The following ELMOD1 variants were observed in gnomAD, a reference collection of about 807,000 sequenced individuals.
The protein encoded by ELMOD1 is ELMO domain containing 1, also known as ELMO domain-containing protein 1.
ELMOD1 carries 21 observed loss-of-function variants against 46.7 expected under a neutral mutation model. That is an observed-to-expected ratio of 0.45 (90% CI 0.32 to 0.65). The LOEUF (loss-of-function observed/expected upper bound fraction) is 0.65, where lower values mean the gene tolerates loss of function less well. ELMOD1 is among the 30% of genes least tolerant of loss of function. The pLI is 0.04. For synonymous variants in ELMOD1, 122 were observed against 138.2 expected, an observed-to-expected ratio of 0.88 and a Z score of 0.82; for missense variants, 348 against 407.8, an observed-to-expected ratio of 0.85 and a Z score of 1.26.
chr11:107,618,062 G>T, intron 1 of ELMOD1, 43 bp from the exon 2 acceptor site: 6 of 1,126,332 alleles, frequency 5.3e-6, no homozygotes, highest in Non-Finnish European at 7.8e-6. Context: ...GCAGCTTCCA[G>T]CCTTATTAGT....
At chr11:107,661,113 T>C (rs1231289439) in intron 11 of ELMOD1, among the ~76,000 whole-genome samples, 1 of 152,228 alleles carries the variant, frequency 6.6e-6, no homozygotes, top group Non-Finnish European at 1.5e-5. Flanking sequence ...CAGTCTTTAC[T>C]TATTTTCCTG....
At chr11:107,624,416 T>G (rs1184000427) in intron 2 of ELMOD1, among the ~76,000 whole-genome samples, 5 of 152,162 alleles carry the variant, frequency 3.3e-5, no homozygotes, top group African/African-American at 9.7e-5. Context: ...TTTGGGAGGC[T>G]GAGGCAGGCA....
chr11:107,638,325 G>A (rs1866264470), intron 6 of ELMOD1, among the ~76,000 whole-genome samples: 1 of 152,184 alleles, frequency 6.6e-6, no homozygotes, highest in Non-Finnish European at 1.5e-5. Context: ...TGTTTAGTAT[G>A]TGCCAATTGT....
chr11:107,593,635 GT>G (rs1344383250), intron 1 of ELMOD1, among the ~76,000 whole-genome samples: 1 of 152,162 alleles, frequency 6.6e-6, no homozygotes, highest in East Asian at 1.9e-4. Context: ...GCACTGTTAG[GT>G]TTTCCAGATT....
intron 1 of ELMOD1, among the ~76,000 whole-genome samples, chr11:107,606,922 C>A (rs1429639149): frequency 1.3e-5 from 2 of 151,998 alleles, no homozygotes; most frequent in African/African-American, 4.8e-5. Flanking sequence ...AGTGTCTCAC[C>A]ACAAAAAATG....
chr11:107,597,000 C>A (rs553670244), intron 1 of ELMOD1, among the ~76,000 whole-genome samples: 14 of 152,270 alleles, frequency 9.2e-5, no homozygotes, highest in African/African-American at 3.4e-4. Context: ...GAAATGAGAT[C>A]TGGAATGTAG....
At chr11:107,660,654 T>C (rs1041522185) in intron 11 of ELMOD1, among the ~76,000 whole-genome samples, 1 of 152,184 alleles carries the variant, frequency 6.6e-6, no homozygotes, top group African/African-American at 2.4e-5. Context: ...TACCTGTTAT[T>C]GTAGACCATT....
Position 107,600,657 on chromosome 11 carries a change from A to G in ELMOD1, c.-86+9248A>G, listed in dbSNP as rs552937776. ...TTGGACGTTCTGTTAGCTAATGAGC[A>G]TACATCACGTTGAACCATGTCAACA... On this transcript the variant is annotated intron_variant, in intron 1 of 11. Coordinates refer to ENST00000265840, the MANE Select transcript of ELMOD1 (RefSeq NM_018712.4). The G allele has an allele frequency of 4.6e-5, 7 of 153,066 alleles. No homozygotes were observed. The South Asian group carries it at 1.0e-3, about 23-fold the overall frequency. 9.5% of individuals were successfully genotyped at this position (153,066 alleles called of 1,614,324 possible).
intron 1 of ELMOD1, among the ~76,000 whole-genome samples, chr11:107,611,869 A>G (rs1258232519): frequency 6.6e-6 from 1 of 152,152 alleles, no homozygotes; most frequent in Non-Finnish European, 1.5e-5. Flanking sequence ...GTCCAAAAAC[A>G]GCAGATGCTG....
At chr11:107,627,480 A>T (rs1381420688) in intron 2 of ELMOD1, among the ~76,000 whole-genome samples, 1 of 152,192 alleles carries the variant, frequency 6.6e-6, no homozygotes, top group Non-Finnish European at 1.5e-5. Context: ...TTTTTAAAAG[A>T]TAAAAGCAAA....
chr11:107,647,428 G>A (rs753369350), intron 6 of ELMOD1, 40 bp from the exon 7 acceptor site: 241 of 1,581,802 alleles, frequency 1.5e-4, no homozygotes, highest in Admixed American at 3.1e-4. Context: ...CAATAGGAAA[G>A]GGTGTATCAA....
At chr11:107,626,376 GAAA>G (rs111962841) in intron 2 of ELMOD1, among the ~76,000 whole-genome samples, 3 of 66,870 alleles carry the variant, frequency 4.5e-5, no homozygotes, top group Admixed American at 1.8e-4. Context: ...ATGCAGTCAT[GAAA>G]AAAAAAAAAA....
intron 1 of ELMOD1, among the ~76,000 whole-genome samples, chr11:107,596,197 T>G (rs1008243555): frequency 1.3e-5 from 2 of 152,112 alleles, no homozygotes. Context: ...TTATTTTTTT[T>G]GTGTACAAGT....
rs182144618 is a variant in ELMOD1, at chr11:107,627,685, A to G, written c.18-2732A>G. On this transcript the variant is annotated intron_variant, in intron 2 of 11. Coordinates refer to ENST00000265840, the MANE Select transcript of ELMOD1 (RefSeq NM_018712.4). ...CAAGCCTCCTCTTTGTGTAGACCTG[A>G]TACAGAGGTCACAGGGAAGACTTTT... Among the ~76,000 whole-genome samples the G allele has an allele frequency of 2.0e-5, 3 of 152,256 alleles. No individual in the cohort carries two copies. In the East Asian group the frequency reaches 5.8e-4, roughly 29 times the overall value.
Position 107,665,870 on chromosome 11 carries a change from G to A in ELMOD1, c.*673G>A, listed in dbSNP as rs542607997. ...CCAGCTACTCGGGAGGCTGAGGCAG[G>A]AGAATCGCTTGAACCCGGGAGGTGG... On this transcript the variant is annotated 3_prime_UTR_variant, in exon 12 of 12. Transcript: ENST00000265840. The A allele has an allele frequency of 6.6e-6, 1 of 152,088 alleles. No individual in the cohort carries two copies. The highest frequency in any genetic ancestry group is 1.5e-5 in the Non-Finnish European group (1 of 68,090). The allele number at this position is 152,088 out of a possible 1,614,324, so 9.4% of individuals were successfully genotyped here.
intron 1 of ELMOD1, among the ~76,000 whole-genome samples, chr11:107,614,402 A>G (rs947237339): frequency 2.6e-5 from 4 of 152,136 alleles, no homozygotes; most frequent in Admixed American, 1.3e-4. Flanking sequence ...GCAATGGTGC[A>G]ATCTTGGCTC....
At chr11:107,621,251 C>A (rs1056866869) in intron 2 of ELMOD1, among the ~76,000 whole-genome samples, 2 of 152,150 alleles carry the variant, frequency 1.3e-5, no homozygotes, top group Non-Finnish European at 2.9e-5. Flanking sequence ...ATTTTCCTTC[C>A]TCCAGCAGAA....
chr11:107,648,698 A>C (rs904526966), intron 7 of ELMOD1, among the ~76,000 whole-genome samples: 2 of 149,508 alleles, frequency 1.3e-5, no homozygotes, highest in Admixed American at 1.3e-4. Flanking sequence ...CAGATATTCA[A>C]TTTTTGTATT....
intron 2 of ELMOD1, among the ~76,000 whole-genome samples, chr11:107,629,064 C>G (rs1054037124): frequency 1.3e-5 from 2 of 152,144 alleles, no homozygotes; most frequent in Non-Finnish European, 2.9e-5. Flanking sequence ...TATGTTATCT[C>G]AGTGCAGCAG....
Sources: allele counts gnomAD v4.1 joint callset (sites outside exome capture counted in the v4.1 genomes callset), GRCh38; gene constraint gnomAD v4.1.1; transcripts MANE v1.5; gene names NCBI Gene and HGNC (gene_info 2026-07-23, HGNC 2026-07-21).